Variants in COL23A1 observed in about 807,000 individuals in gnomAD.
COL23A1 encodes the protein collagen alpha-1(XXIII) chain.
A neutral mutation model predicts 99.3 loss-of-function variants in COL23A1; 97 were observed. The observed-to-expected ratio is 0.98, with a 90% CI of 0.83 to 1.16. The LOEUF (loss-of-function observed/expected upper bound fraction) is 1.16. Among genes scored for constraint, COL23A1 ranks in the 50% most tolerant of loss-of-function variants. The pLI is 0.00. For missense variants in COL23A1, 762 were observed against 757.4 expected, an observed-to-expected ratio of 1.01 and a Z score of -0.07; for synonymous variants, 320 against 308.2, an observed-to-expected ratio of 1.04 and a Z score of -0.40.
chr5:178,331,406 C>T (rs1170736415), intron 2 of COL23A1, among the ~76,000 whole-genome samples: 2 of 152,266 alleles, frequency 1.3e-5, no homozygotes, highest in Admixed American at 6.5e-5. Flanking sequence ...AAGCCACCTA[C>T]ACTCCCTGAG....
chr5:178,571,246 C>T (rs1763078599), intron 1 of COL23A1, among the ~76,000 whole-genome samples: 1 of 152,122 alleles, frequency 6.6e-6, no homozygotes, highest in Non-Finnish European at 1.5e-5. Flanking sequence ...CCTGTAATCC[C>T]AGCTACTTGG....
intron 2 of COL23A1, among the ~76,000 whole-genome samples, chr5:178,502,283 C>A (rs999309481): frequency 6.6e-6 from 1 of 152,162 alleles, no homozygotes; most frequent in Admixed American, 6.5e-5. Context: ...AGGCGCCCGC[C>A]ACCACGCCCG....
At chr5:178,509,141 T>A (rs1442285926) in intron 2 of COL23A1, among the ~76,000 whole-genome samples, 1 of 152,132 alleles carries the variant, frequency 6.6e-6, no homozygotes, top group Non-Finnish European at 1.5e-5. Flanking sequence ...TGAGGGCTTG[T>A]CAGAAATGCA....
At chr5:178,335,855 C>T (rs1403121827) in intron 2 of COL23A1, among the ~76,000 whole-genome samples, 1 of 152,212 alleles carries the variant, frequency 6.6e-6, no homozygotes, top group Non-Finnish European at 1.5e-5. Context: ...TTGCAAAATG[C>T]CAGTTTGCTC....
At chr5:178,327,504 A>G (rs1056067236) in intron 2 of COL23A1, among the ~76,000 whole-genome samples, 2 of 152,166 alleles carry the variant, frequency 1.3e-5, no homozygotes, top group African/African-American at 4.8e-5. Context: ...CTTATCTGCC[A>G]GGAATGGTCT....
rs552052622 is a variant in COL23A1 at position 178,491,707 on chromosome 5, T to A, written c.361+68975A>T. 6.8e-4 allele frequency among the ~76,000 whole-genome samples: 103 copies of A among 152,260 alleles called. 1 individual carries two copies. The highest frequency in any genetic ancestry group is 2.3e-3 in the African/African-American group (96 of 41,542). On this transcript the variant is annotated intron_variant, in intron 2 of 28. Transcript: ENST00000390654. ...GTGAAAATGAAACATCTTGATTTTT[T>A]TTTCAATTTTTTAATTCATTTATAT...
intron 2 of COL23A1, among the ~76,000 whole-genome samples, chr5:178,513,897 A>C (rs1759358245): frequency 6.6e-6 from 1 of 152,028 alleles, no homozygotes; most frequent in South Asian, 2.1e-4. Context: ...AGTAACATAT[A>C]TGTAAGATTA....
At position 178,590,202 on chromosome 5, in the gene COL23A1, C is replaced by T. The variant is rs1299453214; in HGVS notation, c.-5G>A. ...GGCGCGCTCGCCTGGGCCCATGGCG[C>T]GTTCGTCGCGCGTGGACTCTCCGAG... is the stretch of plus-strand genomic sequence containing the variant. On this transcript the variant is annotated 5_prime_UTR_variant, in exon 1 of 29. Coordinates refer to ENST00000390654, the MANE Select transcript of COL23A1 (RefSeq NM_173465.4). The surrounding 1 kb of genome is among the most constrained non-coding windows in gnomAD (Gnocchi z 5.7). The T allele has an allele frequency of 3.3e-6, 4 of 1,212,708 alleles. No individual in the cohort carries two copies. Among genetic ancestry groups the T allele is most frequent in the South Asian group, 8.0e-5 (2 of 25,112 alleles). The allele number at this position is 1,212,708 out of a possible 1,614,324, so 75.1% of individuals were successfully genotyped here.
chr5:178,296,366 A>G (rs538885074), intron 3 of COL23A1, among the ~76,000 whole-genome samples: 77 of 152,200 alleles, frequency 5.1e-4, no homozygotes, highest in African/African-American at 1.8e-3. Flanking sequence ...CCCTGCTGCA[A>G]CCTCACTAGG....
In COL23A1 at chr5:178,267,351, G is replaced by A. The variant is rs1755960752; in HGVS notation, c.496-18C>T. On this transcript the variant is annotated intron_variant, in intron 7 of 28. Transcript: ENST00000390654. Reference sequence around the variant, plus strand: ...GGTGCACCCTGGGAACAAAAGACAGGGAGAGGCATCACCACTGCTTTCATC... The same window carrying A: ...GGTGCACCCTGGGAACAAAAGACAGAGAGAGGCATCACCACTGCTTTCATC... The A allele has an allele frequency of 1.2e-6, 2 of 1,613,466 alleles. No individual in the cohort carries two copies. Among genetic ancestry groups the A allele is most frequent in the Non-Finnish European group, 1.7e-6 (2 of 1,179,734 alleles).
At chr5:178,481,878 CG>C (rs1757358701) in intron 2 of COL23A1, among the ~76,000 whole-genome samples, 1 of 88,732 alleles carries the variant, frequency 1.1e-5, no homozygotes, top group Non-Finnish European at 2.1e-5. Flanking sequence ...GTCATGGGGT[CG>C]GGGGAGGGGG....
intron 2 of COL23A1, among the ~76,000 whole-genome samples, chr5:178,509,858 T>C (rs1759102870): frequency 6.6e-6 from 1 of 152,232 alleles, no homozygotes; most frequent in Non-Finnish European, 1.5e-5. Flanking sequence ...GTCTGCTTTC[T>C]CTTCAGCTAC....
chr5:178,413,833 T>C (rs1345991662), intron 2 of COL23A1, among the ~76,000 whole-genome samples: 1 of 152,192 alleles, frequency 6.6e-6, no homozygotes, highest in Non-Finnish European at 1.5e-5. Context: ...TGCGGTATTG[T>C]TGTAAAAGCT....
At chr5:178,388,334 C>T (rs1303841052) in intron 2 of COL23A1, among the ~76,000 whole-genome samples, 2 of 152,216 alleles carry the variant, frequency 1.3e-5, no homozygotes, top group Admixed American at 6.5e-5. Context: ...TGGATTTAAT[C>T]TTACGTTCCC....
At chr5:178,467,805 T>C (rs780576415) in intron 2 of COL23A1, among the ~76,000 whole-genome samples, 6 of 152,112 alleles carry the variant, frequency 3.9e-5, no homozygotes, top group Non-Finnish European at 7.4e-5. Context: ...TTGCCAAAAA[T>C]AGAAAGAAAC....
intron 2 of COL23A1, among the ~76,000 whole-genome samples, chr5:178,346,819 C>T (rs1379643051): frequency 2.0e-5 from 3 of 152,190 alleles, no homozygotes; most frequent in African/African-American, 4.8e-5. Flanking sequence ...TGCAGCGGCC[C>T]GTCGGAGCCT....
chr5:178,586,928 C>T (rs1057253826), intron 1 of COL23A1, among the ~76,000 whole-genome samples: 9 of 152,172 alleles, frequency 5.9e-5, no homozygotes, highest in African/African-American at 1.7e-4. Context: ...AAACTTTACT[C>T]GAGTCTCTGG....
intron 2 of COL23A1, among the ~76,000 whole-genome samples, chr5:178,523,163 C>CATAT (rs70997608): frequency 0.023 from 2,192 of 95,042 alleles, 47 homozygotes; most frequent in South Asian, 0.036. Context: ...TATATATATA[C>CATAT]ATATATATAT....
chr5:178,255,177 A>G lies in COL23A1; in HGVS notation c.883-151T>C. On this transcript the variant is annotated intron_variant, in intron 15 of 28. Transcript: ENST00000390654. This position sits in a 1 kb window ranked among gnomAD's most constrained non-coding sequence, Gnocchi z 4.2. ...GCATGCCCCTCCCCAGGGTGGATGGAGGGAACGGGAGGCAGGCCCTGTGGC... is the reference window on the plus strand; with the variant it reads ...GCATGCCCCTCCCCAGGGTGGATGGGGGGAACGGGAGGCAGGCCCTGTGGC... 1 of 652,916 alleles carries G rather than the reference A, an allele frequency of 1.5e-6. No individual in the cohort carries two copies. The highest frequency in any genetic ancestry group is 1.8e-5 in the South Asian group (1 of 57,062). 40.4% of individuals were successfully genotyped at this position (652,916 alleles called of 1,614,324 possible).
Sources: allele counts gnomAD v4.1 joint callset (sites outside exome capture counted in the v4.1 genomes callset), GRCh38; gene constraint gnomAD v4.1.1; non-coding constraint Gnocchi (gnomAD v3.1); transcripts MANE v1.5; gene names NCBI Gene and HGNC (gene_info 2026-07-23, HGNC 2026-07-21).